SAMD12: variants seen among roughly 807,000 people sequenced by gnomAD.
SAMD12 encodes the protein sterile alpha motif domain containing 12, also known as sterile alpha motif domain-containing protein 12.
Under a neutral mutation model 15.0 loss-of-function variants are expected in SAMD12, and 9 were observed. That is an observed-to-expected ratio of 0.60 (90% CI 0.36 to 1.05). SAMD12 has a LOEUF of 1.05. Among genes scored for constraint, SAMD12 ranks in the 50% least tolerant of loss-of-function variants. SAMD12 has a pLI of 0.01. For synonymous variants in SAMD12, 86 were observed against 90.1 expected, an observed-to-expected ratio of 0.96 and a Z score of 0.25; for missense variants, 230 against 234.2, an observed-to-expected ratio of 0.98 and a Z score of 0.12.
At chr8:118,516,706 T>C (rs996354741) in intron 2 of SAMD12, among the ~76,000 whole-genome samples, 1 of 151,780 alleles carries the variant, frequency 6.6e-6, no homozygotes, top group African/African-American at 2.4e-5. Context: ...TGGTGCGATC[T>C]TGGCTCACTG....
intron 1 of SAMD12, among the ~76,000 whole-genome samples, chr8:118,581,175 C>T (rs1039467261): frequency 4.5e-4 from 68 of 152,116 alleles, no homozygotes; most frequent in African/African-American, 1.6e-3. Context: ...GATGAGAATA[C>T]CAAATCAGGC....
chr8:118,470,033 C>T (rs1272178194), intron 2 of SAMD12, among the ~76,000 whole-genome samples: 1 of 152,010 alleles, frequency 6.6e-6, no homozygotes, highest in Non-Finnish European at 1.5e-5. Context: ...GAATACTCCT[C>T]ATCTTTTAGA....
Position 118,463,279 on chromosome 8 carries a change from G to T in SAMD12, c.193-23318C>A, listed in dbSNP as rs138343525. 1.3e-3 allele frequency among the ~76,000 whole-genome samples: 204 copies of T among 152,274 alleles called. 1 individual carries two copies. The highest frequency in any genetic ancestry group is 2.5e-3 in the Non-Finnish European group (172 of 68,018). ...CTGACCCAGCAGTAGGGAATGGGGA[G>T]AAGTCCAGGCAGGCAGGTGCAGCAT... On this transcript the variant is annotated intron_variant, in intron 2 of 3. Coordinates refer to ENST00000314727, the MANE Select transcript of SAMD12 (RefSeq NM_207506.3).
At chr8:118,309,557 C>A (rs191397878) in intron 4 of SAMD12, among the ~76,000 whole-genome samples, 26 of 152,176 alleles carry the variant, frequency 1.7e-4, no homozygotes, top group African/African-American at 6.3e-4. Flanking sequence ...TGGGTAGATA[C>A]CCAGTAGTGG....
At chr8:118,249,641 T>C (rs577156696) in intron 4 of SAMD12, among the ~76,000 whole-genome samples, 1 of 152,252 alleles carries the variant, frequency 6.6e-6, no homozygotes, top group East Asian at 1.9e-4. Context: ...AGATTTTGTG[T>C]TTTAGAAAGT....
At chr8:118,390,448 A>G (rs561308052) in intron 3 of SAMD12, among the ~76,000 whole-genome samples, 1 of 152,262 alleles carries the variant, frequency 6.6e-6, no homozygotes, top group East Asian at 1.9e-4. Flanking sequence ...TGTGTAGCCT[A>G]TTCTAAATCA....
Position 118,440,691 on chromosome 8 carries a change from C to A in SAMD12, c.193-730G>T, listed in dbSNP as rs13260085. On this transcript the variant is annotated intron_variant, in intron 2 of 3. Transcript: ENST00000314727. The stretch of plus-strand genomic sequence containing the variant: ...ACACACACACACACACACACACACA[C>A]ACACAAACACACACACACACACACA... Among the ~76,000 whole-genome samples, 870 of 119,398 alleles carry A rather than the reference C, an allele frequency of 7.3e-3. 4 individuals are homozygous for A. The highest frequency in any genetic ancestry group is 1.0e-2 in the Non-Finnish European group (541 of 54,264). The allele number at this position is 119,398 out of a possible 152,430, so 78.3% of individuals were successfully genotyped here.
intron 3 of SAMD12, among the ~76,000 whole-genome samples, chr8:118,433,466 C>T (rs549568708): frequency 6.6e-6 from 1 of 150,784 alleles, no homozygotes; most frequent in East Asian, 1.9e-4. Flanking sequence ...ATCTAAAGTC[C>T]TTTCCAACAC....
At chr8:118,245,225 T>C (rs574362512) in intron 4 of SAMD12, among the ~76,000 whole-genome samples, 1 of 152,252 alleles carries the variant, frequency 6.6e-6, no homozygotes, top group South Asian at 2.1e-4. Flanking sequence ...GGAGACAAGA[T>C]ATCAAAGTTT....
At chr8:118,179,528 T>C in the SAMD12 span, among the ~76,000 whole-genome samples, 59 of 151,936 alleles carry the variant, frequency 3.9e-4, no homozygotes, top group African/African-American at 1.3e-3. Context: ...GTATTTGGAA[T>C]AGGAGATGCA....
intron 4 of SAMD12, among the ~76,000 whole-genome samples, chr8:118,257,795 T>C (rs1812986065): frequency 6.6e-6 from 1 of 152,080 alleles, no homozygotes; most frequent in South Asian, 2.1e-4. Context: ...TCAAGACCAG[T>C]CATGACCTTG....
intron 2 of SAMD12, among the ~76,000 whole-genome samples, chr8:118,443,514 T>TAAACAAAAATGA (rs1483333872): frequency 6.6e-6 from 1 of 151,956 alleles, no homozygotes; most frequent in African/African-American, 2.4e-5. Context: ...CCTACAAAAA[T>TAAACAAAAATGA]GCCTCCATGT....
At chr8:118,190,954 GCT>G (rs1163367444) in exon 5 of SAMD12, 1 of 152,182 alleles carries the variant, frequency 6.6e-6, no homozygotes. Context: ...TTTCTCAGGT[GCT>G]TTTTACTGTT....
At chr8:118,587,515 G>C (rs540993805) in intron 1 of SAMD12, among the ~76,000 whole-genome samples, 1 of 152,312 alleles carries the variant, frequency 6.6e-6, no homozygotes, top group Admixed American at 6.5e-5. Flanking sequence ...AAGTGAGGTT[G>C]ATGACAGATT....
chr8:118,210,002 A>G (rs966102247), intron 4 of SAMD12, among the ~76,000 whole-genome samples: 25 of 152,256 alleles, frequency 1.6e-4, no homozygotes, highest in African/African-American at 6.0e-4. Flanking sequence ...GGTAATTAAC[A>G]GTCCTACCAC....
chr8:118,395,494 G>T (rs1820510410), intron 3 of SAMD12, among the ~76,000 whole-genome samples: 1 of 151,978 alleles, frequency 6.6e-6, no homozygotes, highest in South Asian at 2.1e-4. Flanking sequence ...TGTTCACTTG[G>T]GTTTTCTTTA....
chr8:118,248,975 A>G (rs1812759857), intron 4 of SAMD12, among the ~76,000 whole-genome samples: 1 of 152,160 alleles, frequency 6.6e-6, no homozygotes, highest in Admixed American at 6.5e-5. Flanking sequence ...GTGTATTTGT[A>G]GAGTCATTGA....
chr8:118,223,678 A>T (rs1030532798), intron 4 of SAMD12, among the ~76,000 whole-genome samples: 5 of 152,210 alleles, frequency 3.3e-5, no homozygotes, highest in Non-Finnish European at 7.3e-5. Context: ...CAATAGGGCT[A>T]TATCTTTTGC....
intron 2 of SAMD12, among the ~76,000 whole-genome samples, chr8:118,565,593 T>C (rs1005685245): frequency 6.6e-5 from 10 of 152,202 alleles, no homozygotes; most frequent in African/African-American, 2.4e-4. Context: ...CTAATCTGTA[T>C]ATCTTTAGTT....
Sources: allele counts gnomAD v4.1 joint callset (sites outside exome capture counted in the v4.1 genomes callset), GRCh38; gene constraint gnomAD v4.1.1; transcripts MANE v1.5; gene names NCBI Gene and HGNC (gene_info 2026-07-23, HGNC 2026-07-21).